TMEM217B: variants seen among roughly 807,000 people sequenced by gnomAD.
The protein encoded by TMEM217B is transmembrane protein 217B.
chr6:37,239,932 CAG>C, the TMEM217B span, among the ~76,000 whole-genome samples: 2 of 150,966 alleles, frequency 1.3e-5, no homozygotes, highest in African/African-American at 4.9e-5. Flanking sequence ...CTGCAAGGAA[CAG>C]AGACTCAAAC....
At chr6:37,213,057 C>T in the TMEM217B span, 1 of 1,080,784 alleles carries the variant, frequency 9.3e-7, no homozygotes, top group Non-Finnish European at 1.3e-6. Flanking sequence ...TAGACAAATC[C>T]CCCAAGTCAC....
At chr6:37,213,710 C>T in the TMEM217B span, among the ~76,000 whole-genome samples, 6 of 152,204 alleles carry the variant, frequency 3.9e-5, no homozygotes, top group Non-Finnish European at 8.8e-5. Context: ...ACCTGGTGCC[C>T]GAGCCGACCC....
At chr6:37,218,815 A>C in the TMEM217B span, 1 of 1,614,108 alleles carries the variant, frequency 6.2e-7, no homozygotes, top group African/African-American at 1.3e-5. Context: ...TGGTGATGAA[A>C]GACAGGAAGA....
chr6:37,234,790 A>T, the TMEM217B span, among the ~76,000 whole-genome samples: 2 of 152,182 alleles, frequency 1.3e-5, 1 homozygote, highest in Admixed American at 1.3e-4. Flanking sequence ...TGAGATAAAG[A>T]GATAAATAGG....
At chr6:37,214,654 C>T in the TMEM217B span, among the ~76,000 whole-genome samples, 1 of 152,228 alleles carries the variant, frequency 6.6e-6, no homozygotes, top group Non-Finnish European at 1.5e-5. Context: ...TTTGCCTGCT[C>T]TAGGTGTCTC....
chr6:37,229,341 T>TTTTTG, the TMEM217B span, among the ~76,000 whole-genome samples: 96 of 124,848 alleles, frequency 7.7e-4, 4 homozygotes, highest in African/African-American at 2.9e-3. Context: ...TTCAGTTTTT[T>TTTTTG]TTTTTTTTTT....
chr6:37,241,170 C>T, the TMEM217B span, among the ~76,000 whole-genome samples: 1 of 148,226 alleles, frequency 6.7e-6, no homozygotes. Flanking sequence ...ACAATCTTGG[C>T]TCACTGCACC....
At chr6:37,257,818 CG>C in the TMEM217B span, 1 of 1,350,644 alleles carries the variant, frequency 7.4e-7, no homozygotes, top group Non-Finnish European at 1.0e-6. Flanking sequence ...TGACCGGCGG[CG>C]GGGAAGCGGC....
the TMEM217B span, among the ~76,000 whole-genome samples, chr6:37,245,826 T>C: frequency 1.3e-5 from 2 of 150,774 alleles, no homozygotes; most frequent in African/African-American, 4.9e-5. Flanking sequence ...TGAGAGGGAG[T>C]TTTGCTCTTG....
chr6:37,222,082 G>A, the TMEM217B span, among the ~76,000 whole-genome samples: 1 of 152,160 alleles, frequency 6.6e-6, no homozygotes, highest in Admixed American at 6.5e-5. Flanking sequence ...TCGTCCTCTA[G>A]CCATCCTCTG....
the TMEM217B span, among the ~76,000 whole-genome samples, chr6:37,221,218 G>A: frequency 4.0e-5 from 6 of 149,092 alleles, no homozygotes; most frequent in Admixed American, 6.7e-5. Flanking sequence ...ACGGAGTCTC[G>A]CTCTGTCGCC....
At chr6:37,257,518 C>A in the TMEM217B span, 1 of 207,654 alleles carries the variant, frequency 4.8e-6, no homozygotes, top group Non-Finnish European at 9.9e-6. Flanking sequence ...AACTTCATTC[C>A]TCACGAAGAA....
At chr6:37,225,706 C>A in the TMEM217B span, among the ~76,000 whole-genome samples, 4 of 152,274 alleles carry the variant, frequency 2.6e-5, no homozygotes, top group Admixed American at 6.5e-5. Flanking sequence ...ACATTCATTT[C>A]TCCCTTTTCA....
the TMEM217B span, among the ~76,000 whole-genome samples, chr6:37,216,891 G>C: frequency 6.6e-6 from 1 of 152,156 alleles, no homozygotes; most frequent in Non-Finnish European, 1.5e-5. Flanking sequence ...CACCATCTTA[G>C]AAGCAAAGAG....
chr6:37,218,755 C>T, the TMEM217B span: 47 of 1,613,982 alleles, frequency 2.9e-5, no homozygotes, highest in Non-Finnish European at 3.8e-5. Flanking sequence ...TGACCAGGCC[C>T]CTGAAGATCT....
the TMEM217B span, among the ~76,000 whole-genome samples, chr6:37,220,273 T>C: frequency 1.3e-5 from 2 of 152,236 alleles, no homozygotes; most frequent in Non-Finnish European, 2.9e-5. Flanking sequence ...AATTTTGCTC[T>C]GAAGTTATTT....
chr6:37,239,315 C>A, the TMEM217B span, among the ~76,000 whole-genome samples: 1 of 151,838 alleles, frequency 6.6e-6, no homozygotes, highest in Non-Finnish European at 1.5e-5. Context: ...ATGGCAAAAA[C>A]CCATCTCTAC....
the TMEM217B span, chr6:37,213,092 G>T: frequency 3.6e-6 from 3 of 837,818 alleles, no homozygotes; most frequent in Non-Finnish European, 5.6e-6. Flanking sequence ...AGAGCTAAGA[G>T]CAATGATGGT....
the TMEM217B span, among the ~76,000 whole-genome samples, chr6:37,250,461 G>A: frequency 1.3e-5 from 2 of 152,188 alleles, no homozygotes; most frequent in African/African-American, 4.8e-5. Flanking sequence ...TGAGGATGTG[G>A]AGCAATGTAA....
Sources: allele counts gnomAD v4.1 joint callset (sites outside exome capture counted in the v4.1 genomes callset), GRCh38; gene constraint gnomAD v4.1.1; transcripts MANE v1.5; gene names NCBI Gene and HGNC (gene_info 2026-07-23, HGNC 2026-07-21).